The following DNAAF11 variants were observed in gnomAD, a reference collection of about 807,000 sequenced individuals.
The protein encoded by DNAAF11 is dynein axonemal assembly factor 11, also known as leucine rich repeat containing 6.
A neutral mutation model predicts 60.8 loss-of-function variants in DNAAF11; 45 were observed. The observed-to-expected ratio is 0.74, with a 90% CI of 0.58 to 0.95. DNAAF11 has a LOEUF of 0.95. Ranked by LOEUF, DNAAF11 falls within the 40% of genes least tolerant of loss-of-function variation. The probability of loss-of-function intolerance (pLI) is 0.00; values close to 1 mark genes in which losing one functional copy is unlikely to be tolerated. For synonymous variants in DNAAF11, 191 were observed against 183.5 expected (o/e 1.04, Z -0.33); for missense variants, 546 against 546.2 (o/e 1.00, Z 0.00).
intron 10 of DNAAF11, among the ~76,000 whole-genome samples, chr8:132,599,870 AGG>A (rs1564001017): frequency 3.9e-5 from 6 of 152,234 alleles, no homozygotes; most frequent in Non-Finnish European, 7.3e-5. Flanking sequence ...GGCACAAGAC[AGG>A]GATGCCCTCT....
chr8:132,685,683 A>G, the DNAAF11 span, among the ~76,000 whole-genome samples: 1 of 152,220 alleles, frequency 6.6e-6, no homozygotes, highest in African/African-American at 2.4e-5. Context: ...TGCCCCTTCC[A>G]GCTTAGAGAG....
intron 1 of DNAAF11, among the ~76,000 whole-genome samples, chr8:132,669,416 T>G (rs1275877276): frequency 5.3e-5 from 8 of 152,156 alleles, no homozygotes; most frequent in Admixed American, 4.6e-4. Flanking sequence ...TGAACAGAGA[T>G]AGGATACAAG....
chr8:132,604,873 T>A (rs2129819695), intron 10 of DNAAF11, among the ~76,000 whole-genome samples: 1 of 152,234 alleles, frequency 6.6e-6, no homozygotes, highest in Non-Finnish European at 1.5e-5. Flanking sequence ...CTAATGGACA[T>A]AAAATAAGAG....
intron 7 of DNAAF11, among the ~76,000 whole-genome samples, chr8:132,620,576 C>A (rs978674496): frequency 6.6e-6 from 1 of 152,180 alleles, no homozygotes; most frequent in Non-Finnish European, 1.5e-5. Context: ...CTCAAGTGAT[C>A]TGCCTGCCTC....
chr8:132,681,560 G>T, the DNAAF11 span, among the ~76,000 whole-genome samples: 1 of 152,040 alleles, frequency 6.6e-6, no homozygotes, highest in Non-Finnish European at 1.5e-5. Context: ...TTTCCATCTG[G>T]AAGAGAAGTG....
intron 10 of DNAAF11, among the ~76,000 whole-genome samples, chr8:132,597,506 T>A (rs1447350056): frequency 6.6e-6 from 1 of 152,242 alleles, no homozygotes; most frequent in African/African-American, 2.4e-5. Context: ...ACTATATGTT[T>A]ATTTTGACAA....
At chr8:132,686,350 G>C in the DNAAF11 span, among the ~76,000 whole-genome samples, 1 of 152,084 alleles carries the variant, frequency 6.6e-6, no homozygotes, top group Admixed American at 6.6e-5. Context: ...TGGAAGGGTT[G>C]GTCAGGAAGC....
chr8:132,659,005 C>T (rs1380956636), intron 2 of DNAAF11, among the ~76,000 whole-genome samples: 1 of 152,180 alleles, frequency 6.6e-6, no homozygotes, highest in African/African-American at 2.4e-5. Flanking sequence ...GGAGTAGACC[C>T]TCTGCCTTCT....
rs75851179 is a variant in DNAAF11, at chr8:132,614,997, G to C, written c.974+41C>G. The C allele has an allele frequency of 9.1e-4, 1,211 of 1,324,456 alleles. 16 individuals carry two copies. The African/African-American group carries it at 0.016, about 17-fold the overall frequency. The allele number at this position is 1,324,456 out of a possible 1,614,324, so 82.0% of individuals were successfully genotyped here. The stretch of plus-strand genomic sequence containing the variant: ...AAAATTACTACTGAGAATGAAAACA[G>C]ACAGAAATGTCATAAATAAATACGT... On this transcript the variant is annotated intron_variant, in intron 8 of 11. Coordinates refer to ENST00000620350, the MANE Select transcript of DNAAF11 (RefSeq NM_012472.6).
chr8:132,571,262 C>T lies in DNAAF11; in HGVS notation c.*1044G>A, dbSNP rs972124257. Among the ~76,000 whole-genome samples, 4 of 152,182 alleles carry T rather than the reference C, an allele frequency of 2.6e-5. No individual in the cohort carries two copies. The highest frequency in any genetic ancestry group is 9.7e-5 in the African/African-American group (4 of 41,442). On this transcript the variant is annotated 3_prime_UTR_variant, in exon 12 of 12. Coordinates refer to ENST00000620350, the MANE Select transcript of DNAAF11 (RefSeq NM_012472.6). ...TATGTATTTGTCTGCTTTGTTACTACTAAATCCCTGATGAACAGAGAGGGG... is the reference window on the plus strand; with the variant it reads ...TATGTATTTGTCTGCTTTGTTACTATTAAATCCCTGATGAACAGAGAGGGG...
At chr8:132,675,311 A>G (rs1825684300) in intron 1 of DNAAF11, 173 bp downstream of exon 1, 5 of 624,380 alleles carry the variant, frequency 8.0e-6, no homozygotes, top group Non-Finnish European at 1.4e-5. Flanking sequence ...GCCAGTCTGC[A>G]GAGGACCTGG....
intron 11 of DNAAF11, among the ~76,000 whole-genome samples, chr8:132,581,594 G>A (rs1461707704): frequency 1.4e-5 from 2 of 147,536 alleles, no homozygotes; most frequent in African/African-American, 5.0e-5. Context: ...AGGTTGCAGT[G>A]ACCCGAGATC....
intron 11 of DNAAF11, among the ~76,000 whole-genome samples, chr8:132,581,373 G>T (rs1167456627): frequency 6.6e-6 from 1 of 152,034 alleles, no homozygotes; most frequent in Non-Finnish European, 1.5e-5. Context: ...AGTCTGGCTG[G>T]GTGCGGTGGC....
intron 4 of DNAAF11, among the ~76,000 whole-genome samples, chr8:132,636,974 A>G (rs947154584): frequency 6.6e-6 from 1 of 152,216 alleles, no homozygotes; most frequent in Non-Finnish European, 1.5e-5. Context: ...GTATCCATGC[A>G]TTCTCTTTCC....
At chr8:132,663,965 G>A (rs942116808) in intron 1 of DNAAF11, among the ~76,000 whole-genome samples, 2 of 152,216 alleles carry the variant, frequency 1.3e-5, no homozygotes, top group African/African-American at 4.8e-5. Flanking sequence ...GAGATGGGAA[G>A]AAAAGGGAAG....
chr8:132,571,620 A>G lies in DNAAF11; in HGVS notation c.*686T>C, dbSNP rs959013898. Among the ~76,000 whole-genome samples the G allele has an allele frequency of 1.3e-5, 2 of 152,082 alleles. No homozygotes were observed. Among genetic ancestry groups the G allele is most frequent in the Non-Finnish European group, 2.9e-5 (2 of 68,002 alleles). ...GAGGAGAAAGGGAAGAAGGAGAGAG[A>G]GAAGAGGCTCTAAATGTATGGCTGA... is the stretch of plus-strand genomic sequence containing the variant. On this transcript the variant is annotated 3_prime_UTR_variant, in exon 12 of 12. Coordinates refer to ENST00000620350, the MANE Select transcript of DNAAF11 (RefSeq NM_012472.6).
At chr8:132,599,951 G>C (rs932208180) in intron 10 of DNAAF11, among the ~76,000 whole-genome samples, 2 of 152,174 alleles carry the variant, frequency 1.3e-5, no homozygotes, top group African/African-American at 4.8e-5. Context: ...AGAAATAAAG[G>C]GTACTCAATT....
At chr8:132,618,228 A>T (rs1819382023) in intron 7 of DNAAF11, among the ~76,000 whole-genome samples, 2 of 146,482 alleles carry the variant, frequency 1.4e-5, no homozygotes, top group Admixed American at 6.9e-5. Context: ...TGGTGCTGGG[A>T]AAACTGGCTA....
At chr8:132,603,294 A>C (rs1250855908) in intron 10 of DNAAF11, among the ~76,000 whole-genome samples, 3 of 152,178 alleles carry the variant, frequency 2.0e-5, no homozygotes, top group African/African-American at 4.8e-5. Flanking sequence ...GAAGGAGTAC[A>C]AATAGAGAAG....
Sources: allele counts gnomAD v4.1 joint callset (sites outside exome capture counted in the v4.1 genomes callset), GRCh38; gene constraint gnomAD v4.1.1; transcripts MANE v1.5; gene names NCBI Gene and HGNC (gene_info 2026-07-23, HGNC 2026-07-21).